The following SAMMSON variants were observed in gnomAD, a reference collection of about 807,000 sequenced individuals.
SAMMSON encodes the protein survival associated mitochondrial melanoma specific oncogenic non-coding RNA.
intron 4 of SAMMSON, among the ~76,000 whole-genome samples, chr3:70,122,588 C>T (rs2067439599): frequency 6.6e-6 from 1 of 151,858 alleles, no homozygotes; most frequent in Admixed American, 6.5e-5. Flanking sequence ...ACGTTTAAAA[C>T]AGTAATAATT....
At chr3:70,100,533 G>GAAAAAAAAAA (rs143471172) in intron 4 of SAMMSON, among the ~76,000 whole-genome samples, 2 of 149,456 alleles carry the variant, frequency 1.3e-5, no homozygotes, top group African/African-American at 2.5e-5. Context: ...GGGGGGGGGG[G>GAAAAAAAAAA]AAGCACCAAA....
chr3:70,187,578 C>T (rs974888749), intron 4 of SAMMSON, among the ~76,000 whole-genome samples: 16 of 151,768 alleles, frequency 1.1e-4, no homozygotes, highest in Non-Finnish European at 2.1e-4. Flanking sequence ...GCTGGGACTA[C>T]AGGCACACGC....
chr3:70,252,790 A>G (rs2106653332), intron 6 of SAMMSON, among the ~76,000 whole-genome samples: 1 of 152,254 alleles, frequency 6.6e-6, no homozygotes, highest in African/African-American at 2.4e-5. Flanking sequence ...AAAGAAAATC[A>G]AAAAGAAGGC....
At chr3:70,388,327 A>G (rs369152335) in intron 9 of SAMMSON, among the ~76,000 whole-genome samples, 44 of 152,306 alleles carry the variant, frequency 2.9e-4, no homozygotes, top group Middle Eastern at 3.4e-3. Flanking sequence ...TGATTTTCAC[A>G]TAGATCATTT....
chr3:70,188,011 C>A (rs1173228697), intron 4 of SAMMSON, among the ~76,000 whole-genome samples: 1 of 152,156 alleles, frequency 6.6e-6, no homozygotes, highest in African/African-American at 2.4e-5. Context: ...GCCACCCCAC[C>A]TTTCCCCTGG....
At chr3:70,178,681 G>C (rs1701027883) in intron 4 of SAMMSON, among the ~76,000 whole-genome samples, 1 of 152,166 alleles carries the variant, frequency 6.6e-6, no homozygotes, top group Non-Finnish European at 1.5e-5. Flanking sequence ...TGTCTCACTA[G>C]GAAAAATGGT....
chr3:70,073,277 G>A (rs992276293), intron 4 of SAMMSON, among the ~76,000 whole-genome samples: 1 of 151,962 alleles, frequency 6.6e-6, no homozygotes, highest in African/African-American at 2.4e-5. Flanking sequence ...CTTAGGTGTT[G>A]GCACATTTCT....
chr3:70,329,191 A>T (rs925197783), intron 7 of SAMMSON, among the ~76,000 whole-genome samples: 2 of 152,160 alleles, frequency 1.3e-5, no homozygotes, highest in African/African-American at 2.4e-5. Context: ...ATAGAACTCA[A>T]GTGTGACAGG....
chr3:70,376,443 C>G (rs558881670), intron 9 of SAMMSON, among the ~76,000 whole-genome samples: 4 of 152,236 alleles, frequency 2.6e-5, no homozygotes, highest in Admixed American at 6.5e-5. Context: ...AACTGGTATG[C>G]TTATTTTAGA....
intron 9 of SAMMSON, among the ~76,000 whole-genome samples, chr3:70,368,225 T>C (rs544396442): frequency 9.5e-4 from 144 of 151,680 alleles, no homozygotes; most frequent in African/African-American, 3.4e-3. Context: ...TGTTTTCTTA[T>C]TTACTTCAAC....
At chr3:70,065,071 A>T (rs1169182112) in intron 3 of SAMMSON, among the ~76,000 whole-genome samples, 2 of 152,124 alleles carry the variant, frequency 1.3e-5, no homozygotes, top group African/African-American at 4.8e-5. Context: ...AGAAGACTCA[A>T]AGTTGGTGCT....
chr3:70,080,635 C>CT (rs1559787026), intron 4 of SAMMSON, among the ~76,000 whole-genome samples: 1 of 151,956 alleles, frequency 6.6e-6, no homozygotes, highest in Non-Finnish European at 1.5e-5. Flanking sequence ...CTCTTACTGG[C>CT]TACAGCATTC....
intron 4 of SAMMSON, among the ~76,000 whole-genome samples, chr3:70,222,634 T>G (rs1429928621): frequency 2.6e-5 from 4 of 152,108 alleles, no homozygotes; most frequent in Non-Finnish European, 5.9e-5. Context: ...GATGGAACCT[T>G]AGGGCCTCCT....
chr3:70,047,150 T>C (rs1445083044), intron 3 of SAMMSON, among the ~76,000 whole-genome samples: 1 of 152,112 alleles, frequency 6.6e-6, no homozygotes, highest in Non-Finnish European at 1.5e-5. Context: ...CATTTTTTAG[T>C]TGATGCCTCT....
intron 4 of SAMMSON, among the ~76,000 whole-genome samples, chr3:70,155,479 A>G (rs571522130): frequency 1.3e-5 from 2 of 152,170 alleles, no homozygotes; most frequent in Admixed American, 6.6e-5. Context: ...AGCCTTCTCA[A>G]ACAGTACCTG....
chr3:70,150,932 A>G (rs898513414), intron 4 of SAMMSON, among the ~76,000 whole-genome samples: 2 of 152,052 alleles, frequency 1.3e-5, no homozygotes. Flanking sequence ...GAGTAGGGCT[A>G]TACTAAAAAA....
chr3:70,150,668 G>A (rs184308434), intron 4 of SAMMSON, among the ~76,000 whole-genome samples: 44 of 152,152 alleles, frequency 2.9e-4, no homozygotes, highest in African/African-American at 1.0e-3. Flanking sequence ...GTAATCGCAT[G>A]CAGAATATTA....
chr3:70,321,184 G>A (rs966241621), intron 7 of SAMMSON, among the ~76,000 whole-genome samples: 32 of 151,988 alleles, frequency 2.1e-4, no homozygotes, highest in Non-Finnish European at 5.9e-5. Context: ...TTCACAAAAT[G>A]ATCACTATAA....
intron 7 of SAMMSON, among the ~76,000 whole-genome samples, chr3:70,296,504 A>G (rs1702290196): frequency 6.6e-6 from 1 of 152,170 alleles, no homozygotes. Context: ...TCCAAATAAG[A>G]TAATTTAAAA....
Sources: allele counts gnomAD v4.1 joint callset (sites outside exome capture counted in the v4.1 genomes callset), GRCh38; gene constraint gnomAD v4.1.1; transcripts MANE v1.5; gene names NCBI Gene and HGNC (gene_info 2026-07-23, HGNC 2026-07-21).